Variants in POU3F3 observed in about 807,000 individuals in gnomAD.
POU3F3 encodes POU domain, class 3, transcription factor 3.
POU3F3 carries 1 observed loss-of-function variant against 8.6 expected under a neutral mutation model. The ratio of observed to expected loss-of-function variants is 0.12; its 90% CI spans 0.04 to 0.55. The LOEUF (loss-of-function observed/expected upper bound fraction) is 0.55, where lower values mean the gene tolerates loss of function less well. Among genes scored for constraint, POU3F3 ranks in the 20% least tolerant of loss-of-function variants. The pLI, the probability that POU3F3 is intolerant of heterozygous loss-of-function variation, is 0.91. For synonymous variants in POU3F3, 418 were observed against 327.4 expected (o/e 1.28, Z -2.99); for missense variants, 577 against 690.7 (o/e 0.84, Z 1.84).
the POU3F3 span, among the ~76,000 whole-genome samples, chr2:104,901,964 T>C: frequency 5.9e-5 from 9 of 152,332 alleles, no homozygotes; most frequent in East Asian, 1.7e-3. Context: ...CCCCAAGGCT[T>C]AGACTCAGCA....
In POU3F3 at chr2:104,856,557, A is replaced by C. The variant is rs762277417; in HGVS notation, c.1047A>C (p.Thr349=). 1.2e-6 allele frequency: 2 copies of C among 1,613,978 alleles called. No homozygotes were observed. The highest frequency in any genetic ancestry group is 1.7e-6 in the Non-Finnish European group (2 of 1,179,982). The change falls in exon 1 of 1, where the codon ACA becomes ACC. Residue 349 remains threonine, a synonymous_variant. Coordinates refer to ENST00000361360, the MANE Select transcript of POU3F3 (RefSeq NM_006236.3). ...CCGACGTGGGGTTGGCGCTGGGCAC[A>C]CTCTACGGCAACGTGTTCTCGCAGA... The part of the protein sequence containing the change: ...TQADVGLALG[T]LYGNVFSQTT...
the POU3F3 span, chr2:104,865,685 C>T: frequency 1.3e-5 from 2 of 152,138 alleles, no homozygotes; most frequent in African/African-American, 4.8e-5. Flanking sequence ...GGTGACAAAA[C>T]CCACCACGCT....
downstream of POU3F3, among the ~76,000 whole-genome samples, chr2:104,862,439 G>T (rs1676675723): frequency 6.6e-6 from 1 of 152,208 alleles, no homozygotes; most frequent in Admixed American, 6.5e-5. Flanking sequence ...TACAGGCGAC[G>T]GGGTCAGGTG....
the POU3F3 span, among the ~76,000 whole-genome samples, chr2:104,897,730 G>A: frequency 2.4e-4 from 36 of 152,350 alleles, no homozygotes; most frequent in East Asian, 5.2e-3. Flanking sequence ...CTGCTGAAAT[G>A]TTTAGATAAA....
the POU3F3 span, among the ~76,000 whole-genome samples, chr2:104,899,458 A>G: frequency 6.6e-6 from 1 of 152,188 alleles, no homozygotes; most frequent in East Asian, 1.9e-4. Context: ...AGCTCTCTCT[A>G]TAGAATTTAT....
At chr2:104,914,306 A>G in the POU3F3 span, among the ~76,000 whole-genome samples, 1 of 152,168 alleles carries the variant, frequency 6.6e-6, no homozygotes, top group Non-Finnish European at 1.5e-5. Context: ...TTGATGTAAA[A>G]TCTTAGTGCC....
the POU3F3 span, chr2:104,868,223 C>A: frequency 2.2e-6 from 1 of 456,038 alleles, no homozygotes; most frequent in Non-Finnish European, 4.4e-6. Flanking sequence ...AGAGGCGCTG[C>A]TCTGGCACCT....
chr2:104,863,611 G>A, the POU3F3 span, among the ~76,000 whole-genome samples: 9 of 152,080 alleles, frequency 5.9e-5, no homozygotes, highest in African/African-American at 1.4e-4. Flanking sequence ...CAGGGCCCTG[G>A]AGCCCTGGAG....
At chr2:104,920,397 T>A in the POU3F3 span, among the ~76,000 whole-genome samples, 1 of 152,142 alleles carries the variant, frequency 6.6e-6, no homozygotes, top group Non-Finnish European at 1.5e-5. Flanking sequence ...AAGCACAAAA[T>A]CCCCTTCCAT....
the POU3F3 span, among the ~76,000 whole-genome samples, chr2:104,884,169 G>C: frequency 2.0e-5 from 3 of 152,140 alleles, no homozygotes; most frequent in African/African-American, 7.2e-5. Context: ...CTACCAGATA[G>C]AATGTGATTA....
At chr2:104,861,743 G>A (rs183066848), downstream of POU3F3, among the ~76,000 whole-genome samples, 24 of 152,334 alleles carry the variant, frequency 1.6e-4, no homozygotes, top group African/African-American at 5.1e-4. Flanking sequence ...TGCTGCTGTT[G>A]TTGTTGTTGA....
At chr2:104,882,213 A>T in the POU3F3 span, among the ~76,000 whole-genome samples, 6 of 151,970 alleles carry the variant, frequency 3.9e-5, no homozygotes, top group African/African-American at 1.2e-4. Context: ...TCTGATTGGA[A>T]AAATCTTTCT....
chr2:104,868,092 G>A, the POU3F3 span: 1 of 363,736 alleles, frequency 2.7e-6, no homozygotes, highest in Non-Finnish European at 5.4e-6. Flanking sequence ...ATCAACGCAG[G>A]AGAACAATTA....
At chr2:104,861,388 G>GT (rs1449583655), downstream of POU3F3, among the ~76,000 whole-genome samples, 1 of 152,118 alleles carries the variant, frequency 6.6e-6, no homozygotes, top group Non-Finnish European at 1.5e-5. Flanking sequence ...GGACCTGATT[G>GT]TTTTTTTAAG....
chr2:104,910,305 C>T, the POU3F3 span, among the ~76,000 whole-genome samples: 1 of 152,130 alleles, frequency 6.6e-6, no homozygotes, highest in African/African-American at 2.4e-5. Context: ...GTGATCGTTA[C>T]AGCTCTCTTT....
chr2:104,891,133 G>T, the POU3F3 span, among the ~76,000 whole-genome samples: 1 of 152,046 alleles, frequency 6.6e-6, no homozygotes, highest in Non-Finnish European at 1.5e-5. Flanking sequence ...CAAGCAACCG[G>T]CACCACACCT....
chr2:104,924,413 T>C, the POU3F3 span, among the ~76,000 whole-genome samples: 1 of 152,190 alleles, frequency 6.6e-6, no homozygotes, highest in Non-Finnish European at 1.5e-5. Flanking sequence ...CAAACCCCAG[T>C]CTTCTGTCTG....
In POU3F3 at chr2:104,857,345, A is replaced by C. The variant is rs1390273694; in HGVS notation, c.*332A>C. ...ATACATATATAACAAACAAAACCGGAAGAGAAAAAGGGGGCGATCATGAGA... is the reference window on the plus strand; with the variant it reads ...ATACATATATAACAAACAAAACCGGCAGAGAAAAAGGGGGCGATCATGAGA... On this transcript the variant is annotated 3_prime_UTR_variant, in exon 1 of 1. Transcript: ENST00000361360. 1 of 154,838 alleles carries C rather than the reference A, an allele frequency of 6.5e-6. No homozygotes were observed. The highest frequency in any genetic ancestry group is 1.4e-5 in the Non-Finnish European group (1 of 69,004). 9.6% of individuals were successfully genotyped at this position (154,838 alleles called of 1,614,324 possible). A position where few individuals can be genotyped will look rare whatever the true frequency, so the allele number is the denominator to read the frequency against.
chr2:104,873,984 T>G, the POU3F3 span, among the ~76,000 whole-genome samples: 2 of 152,132 alleles, frequency 1.3e-5, no homozygotes, highest in Admixed American at 6.5e-5. Flanking sequence ...TGGCCTGTGA[T>G]GGAAAGTCCG....
Sources: allele counts gnomAD v4.1 joint callset (sites outside exome capture counted in the v4.1 genomes callset), GRCh38; gene constraint gnomAD v4.1.1; transcripts MANE v1.5; gene names NCBI Gene and HGNC (gene_info 2026-07-23, HGNC 2026-07-21).